The following TMEM135 variants were observed in gnomAD, a reference collection of about 807,000 sequenced individuals.
The protein encoded by TMEM135 is peroxisomal membrane protein 52.
In TMEM135, 30 loss-of-function variants were observed where a neutral mutation model predicts 60.3. That is an observed-to-expected ratio of 0.50 (90% CI 0.37 to 0.68). The LOEUF is 0.68. Among genes scored for constraint, TMEM135 ranks in the 30% least tolerant of loss-of-function variants. The pLI is 0.00. For synonymous variants in TMEM135, 190 were observed against 186.7 expected (o/e 1.02, Z -0.14); for missense variants, 468 against 548.8 (o/e 0.85, Z 1.47).
rs534535571 is a variant in TMEM135, at chr11:87,201,549, T to C, written c.463-35089T>C. Among the ~76,000 whole-genome samples the C allele has an allele frequency of 2.0e-5, 3 of 152,284 alleles. No individual in the cohort carries two copies. The East Asian group carries it at 5.8e-4, about 29-fold the overall frequency. ...TATACAGCTCTCTTGAGGCAGTCAG[T>C]GAATAAAGTATGGTAATTTTTAAGG... On this transcript the variant is annotated intron_variant, in intron 5 of 14. Coordinates refer to ENST00000305494, the MANE Select transcript of TMEM135 (RefSeq NM_022918.4).
intron 5 of TMEM135, among the ~76,000 whole-genome samples, chr11:87,158,304 AGT>A (rs1938759532): frequency 6.6e-6 from 1 of 152,124 alleles, no homozygotes; most frequent in Non-Finnish European, 1.5e-5. Flanking sequence ...AATATTTAGT[AGT>A]GGAAGTGAGT....
chr11:87,176,991 A>C (rs1014026232), intron 5 of TMEM135, among the ~76,000 whole-genome samples: 1 of 152,176 alleles, frequency 6.6e-6, no homozygotes, highest in African/African-American at 2.4e-5. Context: ...CTTTAATATT[A>C]ATATAATATA....
chr11:87,215,306 A>G (rs569686284), intron 5 of TMEM135, among the ~76,000 whole-genome samples: 12 of 152,218 alleles, frequency 7.9e-5, no homozygotes, highest in Non-Finnish European at 1.6e-4. Flanking sequence ...GAACTACCCC[A>G]AAACTTACTG....
intron 5 of TMEM135, chr11:87,178,486 A>G: frequency 2.2e-6 from 1 of 455,930 alleles, no homozygotes; most frequent in Non-Finnish European, 4.4e-6. Flanking sequence ...CCCAGGCTGG[A>G]GTGATTTCAG....
intron 1 of TMEM135, 139 bp downstream of exon 1, chr11:87,038,325 GT>G: frequency 1.3e-6 from 1 of 757,506 alleles, no homozygotes; most frequent in East Asian, 3.9e-5. Flanking sequence ...GTTTTGGGGG[GT>G]CGGTAGGGGG....
In TMEM135 at chr11:87,144,597, A is replaced by G. The variant is rs551847978; in HGVS notation, c.397-12744A>G. Among the ~76,000 whole-genome samples the G allele has an allele frequency of 3.9e-5, 6 of 152,212 alleles. No individual in the cohort carries two copies. In the South Asian group the frequency reaches 1.0e-3, roughly 26 times the overall value. On this transcript the variant is annotated intron_variant, in intron 4 of 14. Coordinates refer to ENST00000305494, the MANE Select transcript of TMEM135 (RefSeq NM_022918.4). Reference sequence around the variant, plus strand: ...TCATGAGGGATTACTCCAAGTGTCAATTTTTCATTTGTAATGAAGAAAGTA... The same window carrying G: ...TCATGAGGGATTACTCCAAGTGTCAGTTTTTCATTTGTAATGAAGAAAGTA...
At chr11:87,108,084 C>A (rs775373456) in intron 4 of TMEM135, among the ~76,000 whole-genome samples, 7 of 152,096 alleles carry the variant, frequency 4.6e-5, no homozygotes, top group Non-Finnish European at 1.0e-4. Flanking sequence ...CTGTTCATAT[C>A]CTTTGCCCAC....
chr11:87,269,855 T>C (rs1048092821), intron 6 of TMEM135, among the ~76,000 whole-genome samples: 3 of 144,796 alleles, frequency 2.1e-5, no homozygotes, highest in African/African-American at 7.6e-5. Flanking sequence ...TTTGGGTATA[T>C]ACCCAGTAAT....
chr11:87,132,009 C>T (rs1348160781), intron 4 of TMEM135, among the ~76,000 whole-genome samples: 2 of 152,090 alleles, frequency 1.3e-5, no homozygotes, highest in African/African-American at 4.8e-5. Flanking sequence ...TGATCTGGCA[C>T]TGTCTCCTGT....
chr11:87,239,170 A>C (rs1202841877), intron 6 of TMEM135, among the ~76,000 whole-genome samples: 1 of 152,070 alleles, frequency 6.6e-6, no homozygotes, highest in Admixed American at 6.6e-5. Flanking sequence ...GTCTAGGTTA[A>C]AAACAACAGT....
intron 3 of TMEM135, among the ~76,000 whole-genome samples, chr11:87,085,360 G>C (rs1254576186): frequency 2.0e-5 from 3 of 152,212 alleles, no homozygotes; most frequent in Non-Finnish European, 4.4e-5. Flanking sequence ...TACATTCTCT[G>C]CTTTTTCATA....
chr11:87,228,633 C>G (rs1044866013), intron 5 of TMEM135, among the ~76,000 whole-genome samples: 1 of 152,052 alleles, frequency 6.6e-6, no homozygotes, highest in Non-Finnish European at 1.5e-5. Context: ...TTTGGAGATA[C>G]TCAAGAAGGA....
At chr11:87,116,523 A>G (rs964306472) in intron 4 of TMEM135, among the ~76,000 whole-genome samples, 62 of 152,268 alleles carry the variant, frequency 4.1e-4, no homozygotes, top group African/African-American at 1.4e-3. Context: ...TTAAATTATG[A>G]CATTTATTTT....
At chr11:87,277,906 C>T (rs1205560784) in intron 6 of TMEM135, among the ~76,000 whole-genome samples, 1 of 152,196 alleles carries the variant, frequency 6.6e-6, no homozygotes, top group African/African-American at 2.4e-5. Context: ...CTTAATGATA[C>T]TCTGGAGTCA....
intron 1 of TMEM135, among the ~76,000 whole-genome samples, chr11:87,062,833 T>G (rs1949963618): frequency 2.0e-5 from 3 of 152,188 alleles, no homozygotes; most frequent in South Asian, 4.1e-4. Context: ...TAATTTAACC[T>G]CTTTATTTAG....
chr11:87,067,936 A>G (rs1856699022), intron 2 of TMEM135, 115 bp downstream of exon 2: 1 of 1,295,914 alleles, frequency 7.7e-7, no homozygotes, highest in South Asian at 1.2e-5. Flanking sequence ...CCTTTTTTTA[A>G]TCTGTGAAGT....
At chr11:87,153,153 T>C (rs1184803869) in intron 4 of TMEM135, among the ~76,000 whole-genome samples, 1 of 152,226 alleles carries the variant, frequency 6.6e-6, no homozygotes, top group Admixed American at 6.5e-5. Context: ...TTATTAAAGG[T>C]TAGAAATGCA....
chr11:87,123,394 CCTT>C (rs1443935156), intron 4 of TMEM135, among the ~76,000 whole-genome samples: 1 of 152,136 alleles, frequency 6.6e-6, no homozygotes, highest in Non-Finnish European at 1.5e-5. Context: ...CATCACATGG[CCTT>C]CTTCTCTCTC....
intron 4 of TMEM135, among the ~76,000 whole-genome samples, chr11:87,134,891 A>G (rs571374405): frequency 2.0e-5 from 3 of 152,352 alleles, no homozygotes; most frequent in South Asian, 2.1e-4. Context: ...CCCTACATCT[A>G]TGCTAACACT....
Sources: allele counts gnomAD v4.1 joint callset (sites outside exome capture counted in the v4.1 genomes callset), GRCh38; gene constraint gnomAD v4.1.1; transcripts MANE v1.5; gene names NCBI Gene and HGNC (gene_info 2026-07-23, HGNC 2026-07-21).